VEPH1: variants seen among roughly 807,000 people sequenced by gnomAD.
VEPH1 encodes ventricular zone expressed PH domain containing 1.
In VEPH1, 80 loss-of-function variants were observed where a neutral mutation model predicts 85.2. The ratio of observed to expected loss-of-function variants is 0.94; its 90% CI spans 0.78 to 1.13. VEPH1 has a LOEUF of 1.13. VEPH1 is among the 50% of genes most tolerant of loss of function. VEPH1 has a pLI of 0.00. For missense variants in VEPH1, 955 were observed against 980.5 expected (o/e 0.97, Z 0.35); for synonymous variants, 297 against 348.0 (o/e 0.85, Z 1.63).
chr3:157,357,637 C>T (rs1355648739), intron 9 of VEPH1, among the ~76,000 whole-genome samples: 6 of 151,912 alleles, frequency 3.9e-5, no homozygotes, highest in African/African-American at 7.3e-5. Flanking sequence ...GGACTGCAGG[C>T]GCGTGCTACC....
At chr3:157,439,592 T>C (rs796406516) in intron 4 of VEPH1, among the ~76,000 whole-genome samples, 48 of 152,252 alleles carry the variant, frequency 3.2e-4, no homozygotes, top group African/African-American at 1.2e-3. Flanking sequence ...CAACATGCGG[T>C]TCCAGTCCAT....
intron 11 of VEPH1, among the ~76,000 whole-genome samples, chr3:157,304,006 T>G (rs1332657236): frequency 7.2e-6 from 1 of 139,026 alleles, no homozygotes; most frequent in Non-Finnish European, 1.5e-5. Context: ...AGACTTAAAT[T>G]TCTCATCTTA....
chr3:157,462,560 G>A (rs1209048487), intron 3 of VEPH1, among the ~76,000 whole-genome samples: 1 of 152,130 alleles, frequency 6.6e-6, no homozygotes, highest in Admixed American at 6.6e-5. Context: ...AATATTATGG[G>A]ATATGTAAGG....
intron 6 of VEPH1, among the ~76,000 whole-genome samples, chr3:157,383,956 A>G (rs1015593454): frequency 6.6e-6 from 1 of 152,180 alleles, no homozygotes; most frequent in Non-Finnish European, 1.5e-5. Flanking sequence ...ATGATATGCA[A>G]TGCATCAAGG....
intron 2 of VEPH1, among the ~76,000 whole-genome samples, chr3:157,474,782 A>G (rs1037684146): frequency 6.6e-5 from 10 of 151,918 alleles, no homozygotes; most frequent in African/African-American, 2.4e-4. Context: ...GTGTCAAACG[A>G]TTATTTCCTG....
chr3:157,276,403 T>G (rs969505819), intron 12 of VEPH1, among the ~76,000 whole-genome samples: 37 of 152,214 alleles, frequency 2.4e-4, no homozygotes, highest in Non-Finnish European at 1.0e-4. Flanking sequence ...CACCCTAAAC[T>G]CACTGAATCA....
In VEPH1 at chr3:157,363,643, C is replaced by T. The variant is rs1254778318; in HGVS notation, c.1456G>A (p.Gly486Ser). ...SISLSEIDPL[G>S]QGNDKLPFKT... ...AACGGCAGCTTGTCATTTCCTTGGC[C>T]AAGTGGGTCTATTTCTGAAAGAGAG... The change falls in exon 9 of 14, where the codon GGC becomes AGC. Residue 486 changes from glycine to serine, a missense_variant. Transcript: ENST00000362010. 1 of 1,614,078 alleles carries T rather than the reference C, an allele frequency of 6.2e-7. No homozygotes were observed. The highest frequency in any genetic ancestry group is 1.1e-5 in the South Asian group (1 of 91,070).
chr3:157,356,596 T>C (rs1725463897), intron 9 of VEPH1, among the ~76,000 whole-genome samples: 2 of 152,288 alleles, frequency 1.3e-5, no homozygotes, highest in African/African-American at 4.8e-5. Flanking sequence ...TCCTCTGTCT[T>C]ATCAAAACCC....
At chr3:157,379,705 C>T (rs1728545042) in intron 7 of VEPH1, among the ~76,000 whole-genome samples, 1 of 152,114 alleles carries the variant, frequency 6.6e-6, no homozygotes, top group South Asian at 2.1e-4. Context: ...TTTGTTATTC[C>T]AAAAAACCCA....
chr3:157,428,228 G>A, intron 5 of VEPH1, 94 bp downstream of exon 5: 1 of 1,356,196 alleles, frequency 7.4e-7, no homozygotes, highest in Non-Finnish European at 1.0e-6. Context: ...ATTTGTAAAT[G>A]TATGAGACAG....
intron 6 of VEPH1, among the ~76,000 whole-genome samples, chr3:157,410,199 G>T (rs1731426439): frequency 6.6e-6 from 1 of 152,128 alleles, no homozygotes; most frequent in South Asian, 2.1e-4. Context: ...GGATAAGGGA[G>T]ACGATCCTAA....
At chr3:157,502,884 T>C (rs1683215729) in intron 1 of VEPH1, among the ~76,000 whole-genome samples, 1 of 152,160 alleles carries the variant, frequency 6.6e-6, no homozygotes, top group South Asian at 2.1e-4. Flanking sequence ...TCTTTGAAAA[T>C]CCGTAGGCAG....
intron 9 of VEPH1, among the ~76,000 whole-genome samples, chr3:157,350,559 A>G (rs1197709197): frequency 6.6e-6 from 1 of 152,236 alleles, no homozygotes; most frequent in African/African-American, 2.4e-5. Flanking sequence ...AGCAAAGGAA[A>G]TCAATCAACA....
At chr3:157,438,037 G>GCACA (rs781700719) in intron 4 of VEPH1, 35,233 of 510,692 alleles carry the variant, frequency 0.069, 500 homozygotes, top group East Asian at 0.095. Context: ...GCGCGCGCGC[G>GCACA]CACACACACA....
intron 3 of VEPH1, among the ~76,000 whole-genome samples, chr3:157,469,817 G>C (rs1256736404): frequency 6.6e-6 from 1 of 152,166 alleles, no homozygotes; most frequent in Non-Finnish European, 1.5e-5. Context: ...ATTTATACCA[G>C]AGGAAATAAT....
intron 12 of VEPH1, among the ~76,000 whole-genome samples, chr3:157,273,149 T>C (rs958984866): frequency 6.6e-6 from 1 of 152,242 alleles, no homozygotes; most frequent in Non-Finnish European, 1.5e-5. Flanking sequence ...AATTTAGCAT[T>C]CATGTTATTC....
chr3:157,293,590 A>G (rs540683573), intron 11 of VEPH1, among the ~76,000 whole-genome samples: 3 of 152,358 alleles, frequency 2.0e-5, no homozygotes, highest in African/African-American at 7.2e-5. Flanking sequence ...ACAAAATAAA[A>G]AAAAGCCAAA....
At chr3:157,344,707 C>T (rs537595491) in intron 9 of VEPH1, among the ~76,000 whole-genome samples, 11 of 152,258 alleles carry the variant, frequency 7.2e-5, no homozygotes, top group South Asian at 6.2e-4. Flanking sequence ...AAAAAGAGCC[C>T]GCATTGCCAA....
intron 2 of VEPH1, among the ~76,000 whole-genome samples, chr3:157,477,381 A>C (rs1457573927): frequency 6.6e-6 from 1 of 152,142 alleles, no homozygotes; most frequent in Non-Finnish European, 1.5e-5. Flanking sequence ...CACATAATCC[A>C]AGATGATCTC....
Sources: allele counts gnomAD v4.1 joint callset (sites outside exome capture counted in the v4.1 genomes callset), GRCh38; gene constraint gnomAD v4.1.1; transcripts MANE v1.5; gene names NCBI Gene and HGNC (gene_info 2026-07-23, HGNC 2026-07-21).